Variants in FAR2 observed in about 807,000 individuals in gnomAD.
FAR2 encodes epididymis secretory protein Li 81.
Under a neutral mutation model 56.0 loss-of-function variants are expected in FAR2, and 19 were observed. That is an observed-to-expected ratio of 0.34 (90% confidence interval 0.24 to 0.50). The LOEUF (loss-of-function observed/expected upper bound fraction) is 0.50, where lower values mean the gene tolerates loss of function less well. Among genes scored for constraint, FAR2 ranks in the 20% least tolerant of loss-of-function variants. The pLI is 0.98. For missense variants in FAR2, 508 were observed against 642.2 expected, an observed-to-expected ratio of 0.79 and a Z score of 2.26; for synonymous variants, 219 against 218.8, an observed-to-expected ratio of 1.00 and a Z score of -0.01.
At chr12:29,270,918 G>A (rs905063805) in intron 2 of FAR2, among the ~76,000 whole-genome samples, 3 of 152,302 alleles carry the variant, frequency 2.0e-5, no homozygotes, top group African/African-American at 7.2e-5. Context: ...GGATGCTTCA[G>A]CCTTAATATC....
intron 1 of FAR2, among the ~76,000 whole-genome samples, chr12:29,201,481 TG>T (rs1403722241): frequency 6.6e-6 from 1 of 152,208 alleles, no homozygotes; most frequent in South Asian, 2.1e-4. Context: ...CCAAACCATC[TG>T]GCCCCTTAAC....
At chr12:29,324,894 T>C (rs1463259343) in intron 10 of FAR2, among the ~76,000 whole-genome samples, 1 of 152,140 alleles carries the variant, frequency 6.6e-6, no homozygotes, top group Non-Finnish European at 1.5e-5. Context: ...AATTCACACA[T>C]AACAATACTA....
intron 2 of FAR2, among the ~76,000 whole-genome samples, chr12:29,275,533 G>A (rs1299043333): frequency 1.3e-5 from 2 of 152,072 alleles, no homozygotes; most frequent in Non-Finnish European, 2.9e-5. Flanking sequence ...CTGAGGAATC[G>A]CCACACTGAC....
rs115795553 is a variant in FAR2, at chr12:29,311,526, C to T, written c.888-357C>T. Among the ~76,000 whole-genome samples, 693 of 151,914 alleles carry T rather than the reference C, an allele frequency of 4.6e-3. 7 individuals are homozygous for T. Among genetic ancestry groups the T allele is most frequent in the African/African-American group, 0.016 (663 of 41,404 alleles). Reference sequence around the variant, plus strand: ...CTGGTAAATGCCAAAAGTTCAGTCACGATGTGTGGGGAAGCTTCCTGGTAC... The same window carrying T: ...CTGGTAAATGCCAAAAGTTCAGTCATGATGTGTGGGGAAGCTTCCTGGTAC... On this transcript the variant is annotated intron_variant, in intron 7 of 11. Transcript: ENST00000536681.
chr12:29,215,092 A>T (rs1459756819), intron 1 of FAR2, among the ~76,000 whole-genome samples: 1 of 152,176 alleles, frequency 6.6e-6, no homozygotes, highest in Admixed American at 6.5e-5. Flanking sequence ...TTCAAGAATC[A>T]GAAAAATTAT....
intron 10 of FAR2, among the ~76,000 whole-genome samples, chr12:29,324,178 C>T (rs1358995225): frequency 3.9e-5 from 6 of 152,040 alleles, no homozygotes; most frequent in East Asian, 1.9e-4. Flanking sequence ...TGAAATGAAG[C>T]GTGAAGAGAA....
chr12:29,253,175 C>T (rs1948241353), intron 1 of FAR2, among the ~76,000 whole-genome samples: 1 of 127,918 alleles, frequency 7.8e-6, no homozygotes, highest in Non-Finnish European at 1.7e-5. Context: ...CTTTCTCTCC[C>T]TATCTCTCTC....
At chr12:29,179,381 G>C (rs12372469) in intron 1 of FAR2, among the ~76,000 whole-genome samples, 105,589 of 152,056 alleles carry the variant, frequency 0.69, 37,414 homozygotes, top group Non-Finnish European at 0.77. Context: ...AGGTAGTTCA[G>C]AGATTTTATT....
chr12:29,219,508 T>G (rs1159607384), intron 1 of FAR2, among the ~76,000 whole-genome samples: 1 of 152,220 alleles, frequency 6.6e-6, no homozygotes, highest in Non-Finnish European at 1.5e-5. Context: ...ACAGGGACTT[T>G]GTTTAGTTCA....
chr12:29,216,379 C>T (rs1196449653), intron 1 of FAR2, among the ~76,000 whole-genome samples: 1 of 152,074 alleles, frequency 6.6e-6, no homozygotes, highest in Non-Finnish European at 1.5e-5. Flanking sequence ...TGGTTGTTGT[C>T]CTTTAGGGCT....
intron 1 of FAR2, among the ~76,000 whole-genome samples, chr12:29,269,426 G>A (rs544920404): frequency 6.6e-6 from 1 of 152,206 alleles, no homozygotes; most frequent in East Asian, 1.9e-4. Context: ...AAGGTGCCTA[G>A]ATTTCATATT....
At chr12:29,269,208 G>C (rs570979650) in intron 1 of FAR2, among the ~76,000 whole-genome samples, 24 of 152,146 alleles carry the variant, frequency 1.6e-4, no homozygotes, top group African/African-American at 5.3e-4. Flanking sequence ...GTGCACCTTG[G>C]GGGGGCCGTT....
intron 4 of FAR2, among the ~76,000 whole-genome samples, chr12:29,303,855 C>A (rs1295117820): frequency 1.3e-5 from 2 of 152,102 alleles, no homozygotes; most frequent in Non-Finnish European, 1.5e-5. Flanking sequence ...AAATTACAAA[C>A]CAGAATAAGA....
chr12:29,272,117 G>A (rs1948628709), intron 2 of FAR2, among the ~76,000 whole-genome samples: 1 of 152,176 alleles, frequency 6.6e-6, no homozygotes, highest in Non-Finnish European at 1.5e-5. Context: ...TCTTGGGGTT[G>A]ATCTTCTCAT....
chr12:29,310,584 A>G (rs1234327090), intron 6 of FAR2, among the ~76,000 whole-genome samples: 1 of 152,204 alleles, frequency 6.6e-6, no homozygotes, highest in African/African-American at 2.4e-5. Flanking sequence ...TTTAGTGCCT[A>G]CTATTGCTTG....
At chr12:29,327,219 GA>G in intron 10 of FAR2, among the ~76,000 whole-genome samples, 1 of 152,218 alleles carries the variant, frequency 6.6e-6, no homozygotes, top group East Asian at 1.9e-4. Flanking sequence ...CCTCTTCAAG[GA>G]AAACTACAAA....
chr12:29,178,680 T>G (rs192505901), intron 1 of FAR2, among the ~76,000 whole-genome samples: 1 of 152,332 alleles, frequency 6.6e-6, no homozygotes, highest in East Asian at 1.9e-4. Flanking sequence ...GTAAGGCCCA[T>G]GTTCTTTGAT....
chr12:29,176,062 T>A (rs115629676), intron 1 of FAR2, among the ~76,000 whole-genome samples: 1,730 of 152,300 alleles, frequency 0.011, 26 homozygotes, highest in African/African-American at 0.038. Context: ...ACTTCTGTAG[T>A]TTTATAAGAT....
At chr12:29,191,831 A>G (rs1386592679) in intron 1 of FAR2, among the ~76,000 whole-genome samples, 2 of 152,230 alleles carry the variant, frequency 1.3e-5, no homozygotes, top group African/African-American at 4.8e-5. Context: ...TTTAAGAAGG[A>G]GAATGAAGAA....
Sources: allele counts gnomAD v4.1 joint callset (sites outside exome capture counted in the v4.1 genomes callset), GRCh38; gene constraint gnomAD v4.1.1; transcripts MANE v1.5; gene names NCBI Gene and HGNC (gene_info 2026-07-23, HGNC 2026-07-21).